The following ITGB1 variants were observed in gnomAD, a reference collection of about 807,000 sequenced individuals.
ITGB1 encodes integrin subunit beta 1, also known as integrin beta-1.
A neutral mutation model predicts 86.5 loss-of-function variants in ITGB1; 24 were observed. That is an observed-to-expected ratio of 0.28 (90% CI 0.20 to 0.39). ITGB1 has a LOEUF of 0.39. Ranked by LOEUF, ITGB1 falls within the 10% of genes least tolerant of loss-of-function variation. ITGB1 has a pLI of 1.00. For synonymous variants in ITGB1, 323 were observed against 316.8 expected, an observed-to-expected ratio of 1.02 and a Z score of -0.21; for missense variants, 556 against 946.9, an observed-to-expected ratio of 0.59 and a Z score of 5.42.
chr10:32,906,310 T>C (rs2094896306), intron 15 of ITGB1, among the ~76,000 whole-genome samples: 1 of 152,066 alleles, frequency 6.6e-6, no homozygotes, highest in African/African-American at 2.4e-5. Flanking sequence ...ATAATACTGG[T>C]GGGGCACAGT....
chr10:32,950,257 T>C lies in ITGB1; in HGVS notation c.-1+7888A>G, dbSNP rs111403398. Among the ~76,000 whole-genome samples the C allele has an allele frequency of 1.5e-3, 226 of 152,266 alleles. 4 individuals are homozygous for C. The highest frequency in any genetic ancestry group is 3.2e-3 in the African/African-American group (132 of 41,572). The stretch of plus-strand genomic sequence containing the variant: ...TCCAGAAGAAGAACACAGAGCCAAA[T>C]TGAAAGACATGAGGTTCCTCCCACT... On this transcript the variant is annotated intron_variant, in intron 1 of 15. Transcript: ENST00000302278.
At position 32,922,839 on chromosome 10, in the gene ITGB1, A is replaced by G. The variant is rs2094954345; in HGVS notation, c.943-104T>C. On this transcript the variant is annotated intron_variant, in intron 7 of 15. Coordinates refer to ENST00000302278, the MANE Select transcript of ITGB1 (RefSeq NM_002211.4). ...GCAAGATTACACATAACTCGATTAC[A>G]AGACTGCTTTAGATAACTAGATTAC... 1.9e-5 allele frequency: 12 copies of G among 633,924 alleles called. No homozygotes were observed. The South Asian group carries it at 2.8e-4, about 15-fold the overall frequency. 39.3% of individuals were successfully genotyped at this position (633,924 alleles called of 1,614,324 possible). A position where few individuals can be genotyped will look rare whatever the true frequency, so the allele number is the denominator to read the frequency against.
chr10:32,945,586 G>A (rs922729663), intron 1 of ITGB1, among the ~76,000 whole-genome samples: 3 of 150,694 alleles, frequency 2.0e-5, no homozygotes, highest in African/African-American at 7.4e-5. Flanking sequence ...GCGACAGACC[G>A]AGACTCTGTC....
At chr10:32,941,491 G>A (rs933170775) in intron 1 of ITGB1, among the ~76,000 whole-genome samples, 5 of 152,116 alleles carry the variant, frequency 3.3e-5, no homozygotes, top group African/African-American at 9.7e-5. Flanking sequence ...TAACAGGAAC[G>A]AAGACCAAGC....
chr10:32,935,844 C>T (rs775572863), intron 1 of ITGB1: 8 of 253,982 alleles, frequency 3.1e-5, no homozygotes, highest in Non-Finnish European at 4.5e-5. Context: ...TAATTAACAG[C>T]GCTCAAAAAA....
intron 1 of ITGB1, chr10:32,955,594 G>C (rs1039084826): frequency 3.3e-5 from 5 of 152,136 alleles, no homozygotes; most frequent in Non-Finnish European, 7.3e-5. Flanking sequence ...AACAATAAAA[G>C]CATTACAATC....
At chr10:32,911,363 G>C in intron 13 of ITGB1, 85 bp downstream of exon 13, 2 of 1,112,432 alleles carry the variant, frequency 1.8e-6, no homozygotes, top group Non-Finnish European at 2.7e-6. Flanking sequence ...TTTAATATTG[G>C]CACTGTTCTG....
chr10:32,943,320 A>G (rs2095023399), intron 1 of ITGB1, among the ~76,000 whole-genome samples: 1 of 152,214 alleles, frequency 6.6e-6, no homozygotes, highest in African/African-American at 2.4e-5. Flanking sequence ...AAGATGGTCA[A>G]CCAGATAAAC....
At chr10:32,911,708 T>C (rs2094914037) in intron 12 of ITGB1, 38 bp from the exon 13 acceptor site, 1 of 1,598,380 alleles carries the variant, frequency 6.3e-7, no homozygotes, top group African/African-American at 1.3e-5. Flanking sequence ...ATGGTAAAAA[T>C]ATACAATCAC....
intron 12 of ITGB1, 77 bp downstream of exon 12, chr10:32,911,809 T>C (rs754836424): frequency 2.1e-6 from 3 of 1,435,066 alleles, no homozygotes; most frequent in Admixed American, 1.7e-5. Flanking sequence ...TTTCTACTTA[T>C]GCACCAACTA....
At chr10:32,953,626 G>A (rs539241429) in intron 1 of ITGB1, 2 of 152,080 alleles carry the variant, frequency 1.3e-5, no homozygotes, top group African/African-American at 4.8e-5. Context: ...CTCCTCGAAC[G>A]AGAGAATGAG....
intron 1 of ITGB1, among the ~76,000 whole-genome samples, chr10:32,937,950 G>C (rs2095008084): frequency 6.6e-6 from 1 of 152,224 alleles, no homozygotes; most frequent in Non-Finnish European, 1.5e-5. Flanking sequence ...GGCTCAGAGA[G>C]AATGCTTTAA....
intron 7 of ITGB1, 129 bp from the exon 8 acceptor site, chr10:32,922,864 C>T (rs985609229): frequency 1.6e-5 from 9 of 572,506 alleles, no homozygotes; most frequent in African/African-American, 3.9e-5. Flanking sequence ...AACTAGATTA[C>T]ATATATAATC....
Position 32,903,221 on chromosome 10 carries a change from G to A in ITGB1, c.2332-1586C>T, listed in dbSNP as rs566467666. Among the ~76,000 whole-genome samples the A allele has an allele frequency of 2.3e-3, 343 of 151,640 alleles. 2 individuals carry two copies. Among genetic ancestry groups the A allele is most frequent in the Non-Finnish European group, 3.9e-3 (268 of 67,860 alleles). ...ACAAAAATTAGCTGGGTGTGGTGGC[G>A]GGTGCCTGTAATCCCAGCTACTCAT... On this transcript the variant is annotated intron_variant, in intron 15 of 15. Transcript: ENST00000302278.
intron 8 of ITGB1, 129 bp downstream of exon 8, chr10:32,922,511 A>G: frequency 1.3e-6 from 1 of 766,050 alleles, no homozygotes; most frequent in Non-Finnish European, 2.1e-6. Flanking sequence ...TTAAAAATTA[A>G]TATAAACCAC....
intron 14 of ITGB1, 72 bp from the exon 15 acceptor site, chr10:32,908,606 A>G: frequency 1.5e-6 from 2 of 1,331,052 alleles, no homozygotes; most frequent in African/African-American, 1.5e-5. Context: ...ATACAGGAAT[A>G]AACACCCAAG....
intron 11 of ITGB1, 69 bp downstream of exon 11, chr10:32,919,816 C>G: frequency 1.1e-5 from 15 of 1,401,524 alleles, no homozygotes; most frequent in Non-Finnish European, 1.4e-5. Flanking sequence ...CTGGATGTCC[C>G]AAAATATGAC....
At chr10:32,953,377 G>C (rs2095046275) in intron 1 of ITGB1, among the ~76,000 whole-genome samples, 1 of 152,166 alleles carries the variant, frequency 6.6e-6, no homozygotes, top group Admixed American at 6.5e-5. Flanking sequence ...TGTCCACTGA[G>C]TAAAGCATTT....
chr10:32,938,337 G>C (rs2095009167), intron 1 of ITGB1, among the ~76,000 whole-genome samples: 1 of 152,180 alleles, frequency 6.6e-6, no homozygotes, highest in South Asian at 2.1e-4. Context: ...CAAAGGGAAT[G>C]GAACAAATAT....
Sources: allele counts gnomAD v4.1 joint callset (sites outside exome capture counted in the v4.1 genomes callset), GRCh38; gene constraint gnomAD v4.1.1; transcripts MANE v1.5; gene names NCBI Gene and HGNC (gene_info 2026-07-23, HGNC 2026-07-21).